Variants in ROBO1 observed in about 807,000 individuals in gnomAD.
ROBO1 encodes the protein roundabout guidance receptor 1.
In ROBO1, 149 loss-of-function variants were observed where a neutral mutation model predicts 195.9. That is an observed-to-expected ratio of 0.76 (90% confidence interval 0.67 to 0.87). The LOEUF (loss-of-function observed/expected upper bound fraction) is 0.87, where lower values mean the gene tolerates loss of function less well. Among genes scored for constraint, ROBO1 ranks in the 40% least tolerant of loss-of-function variants. The pLI is 0.00. For missense variants in ROBO1, 1,933 were observed against 2,068.3 expected (o/e 0.93, Z 1.27); for synonymous variants, 816 against 733.2 (o/e 1.11, Z -1.82).
chr3:79,205,580 T>G (rs368616417), intron 2 of ROBO1, among the ~76,000 whole-genome samples: 3 of 152,176 alleles, frequency 2.0e-5, no homozygotes, highest in African/African-American at 7.2e-5. Flanking sequence ...CCTAAATTTG[T>G]TTGAACAACT....
At chr3:79,406,460 C>A (rs1213236794) in intron 2 of ROBO1, among the ~76,000 whole-genome samples, 2 of 151,544 alleles carry the variant, frequency 1.3e-5, no homozygotes, top group East Asian at 1.9e-4. Context: ...AATAAAACAC[C>A]AAAACAGCAA....
chr3:79,723,962 G>T (rs1425202369), intron 1 of ROBO1, among the ~76,000 whole-genome samples: 1 of 152,172 alleles, frequency 6.6e-6, no homozygotes, highest in African/African-American at 2.4e-5. Flanking sequence ...AAATAAATAA[G>T]TGTTTTTATA....
intron 4 of ROBO1, among the ~76,000 whole-genome samples, chr3:78,760,913 CT>C (rs915751794): frequency 9.9e-5 from 15 of 151,190 alleles, no homozygotes; most frequent in East Asian, 3.9e-4. Flanking sequence ...TATGTGTTTT[CT>C]TTTTTTTTCT....
At chr3:79,573,260 C>T (rs922727056) in intron 2 of ROBO1, among the ~76,000 whole-genome samples, 3 of 152,088 alleles carry the variant, frequency 2.0e-5, no homozygotes, top group Admixed American at 6.6e-5. Context: ...CTTGCCCATG[C>T]TGGCTGGTCT....
At chr3:78,672,594 C>CAA (rs368446414) in intron 10 of ROBO1, among the ~76,000 whole-genome samples, 1,139 of 73,668 alleles carry the variant, frequency 0.015, 28 homozygotes, top group African/African-American at 0.045. Context: ...GACCCTGTCT[C>CAA]AAAAAAAAAA....
intron 2 of ROBO1, among the ~76,000 whole-genome samples, chr3:79,509,635 C>T (rs1940595809): frequency 6.6e-6 from 1 of 152,162 alleles, no homozygotes; most frequent in African/African-American, 2.4e-5. Flanking sequence ...ATTACCAAAT[C>T]ATGCATATTT....
intron 8 of ROBO1, among the ~76,000 whole-genome samples, chr3:78,711,348 C>T (rs184951873): frequency 0.11 from 5,753 of 53,918 alleles, 654 homozygotes; most frequent in East Asian, 0.25. Context: ...TCCTTCCTTC[C>T]TCCTTCCTTC....
At chr3:79,157,436 C>T (rs971364682) in intron 2 of ROBO1, among the ~76,000 whole-genome samples, 9 of 151,870 alleles carry the variant, frequency 5.9e-5, no homozygotes, top group African/African-American at 2.2e-4. Context: ...CAGGCCTCAG[C>T]TCAGGCCAGA....
intron 1 of ROBO1, among the ~76,000 whole-genome samples, chr3:79,693,712 A>G (rs1278107216): frequency 6.6e-6 from 1 of 151,824 alleles, no homozygotes; most frequent in African/African-American, 2.4e-5. Context: ...CACTGGGATT[A>G]TAGGTGTGAG....
chr3:79,104,649 T>C (rs1432532451), intron 3 of ROBO1, among the ~76,000 whole-genome samples: 1 of 151,598 alleles, frequency 6.6e-6, no homozygotes, highest in Non-Finnish European at 1.5e-5. Context: ...GCCATACGAG[T>C]TCGGTACTAT....
intron 4 of ROBO1, among the ~76,000 whole-genome samples, chr3:78,754,175 T>C (rs528413193): frequency 6.6e-6 from 1 of 152,308 alleles, no homozygotes; most frequent in African/African-American, 2.4e-5. Context: ...GGACTTGCCA[T>C]TTATATGGTG....
chr3:79,585,333 C>T (rs957500219), intron 2 of ROBO1, among the ~76,000 whole-genome samples: 1 of 151,938 alleles, frequency 6.6e-6, no homozygotes, highest in Admixed American at 6.6e-5. Flanking sequence ...ACTAGGCAAA[C>T]TTAACTTTGA....
chr3:79,541,318 G>A (rs923901904), intron 2 of ROBO1, among the ~76,000 whole-genome samples: 2 of 151,958 alleles, frequency 1.3e-5, no homozygotes, highest in East Asian at 3.9e-4. Context: ...CTGATTTGAC[G>A]TTGTTTCTGC....
At chr3:78,886,200 C>A (rs2036561754) in intron 4 of ROBO1, among the ~76,000 whole-genome samples, 1 of 151,552 alleles carries the variant, frequency 6.6e-6, no homozygotes, top group Admixed American at 6.6e-5. Flanking sequence ...GAGGAAGAAA[C>A]AATACGAAAA....
chr3:79,455,598 A>C (rs1417628319), intron 2 of ROBO1, among the ~76,000 whole-genome samples: 3 of 151,978 alleles, frequency 2.0e-5, no homozygotes, highest in Non-Finnish European at 2.9e-5. Context: ...GCTCTGAGTC[A>C]TTTTCCGCAT....
intron 4 of ROBO1, among the ~76,000 whole-genome samples, chr3:78,896,124 C>T (rs9858414): frequency 0.059 from 9,036 of 152,182 alleles, 629 homozygotes; most frequent in African/African-American, 0.17. Context: ...AAACAATTCT[C>T]TCTCCCCATT....
At chr3:79,026,015 T>C (rs906624225) in intron 3 of ROBO1, among the ~76,000 whole-genome samples, 1 of 152,182 alleles carries the variant, frequency 6.6e-6, no homozygotes, top group African/African-American at 2.4e-5. Flanking sequence ...AGATATGGCA[T>C]AGTATAATAG....
intron 3 of ROBO1, among the ~76,000 whole-genome samples, chr3:79,118,728 C>T (rs954892608): frequency 1.3e-5 from 2 of 151,880 alleles, no homozygotes; most frequent in African/African-American, 2.4e-5. Context: ...ATTAGCTGGG[C>T]ATGGTGGTGC....
chr3:79,208,607 A>G (rs1320310890), intron 2 of ROBO1, among the ~76,000 whole-genome samples: 1 of 152,174 alleles, frequency 6.6e-6, no homozygotes, highest in African/African-American at 2.4e-5. Flanking sequence ...ATTTATGCAA[A>G]GGCTAAAAGC....
Sources: gnomAD v4.1 joint callset for allele counts (sites outside exome capture counted in the v4.1 genomes callset) on GRCh38, gnomAD v4.1.1 for gene constraint, MANE v1.5 for transcripts, NCBI Gene and HGNC (gene_info 2026-07-23, HGNC 2026-07-21) for gene names.